Variants in ADGRE3 observed in about 807,000 individuals in gnomAD.
The protein encoded by ADGRE3 is EGF-like module receptor 3.
A neutral mutation model predicts 80.1 loss-of-function variants in ADGRE3; 88 were observed. The ratio of observed to expected loss-of-function variants is 1.10; its 90% confidence interval spans 0.93 to 1.31. The LOEUF (loss-of-function observed/expected upper bound fraction) is 1.31, where lower values mean the gene tolerates loss of function less well. ADGRE3 is among the 40% of genes most tolerant of loss of function. The probability of loss-of-function intolerance (pLI) is 0.00; values close to 1 mark genes in which losing one functional copy is unlikely to be tolerated. For missense variants in ADGRE3, 715 were observed against 776.5 expected, an observed-to-expected ratio of 0.92 and a Z score of 0.94; for synonymous variants, 281 against 294.8, an observed-to-expected ratio of 0.95 and a Z score of 0.48.
In ADGRE3 at chr19:14,648,867, T is replaced by C. The variant is rs898399757; in HGVS notation, c.698-1502A>G. 7.9e-5 allele frequency among the ~76,000 whole-genome samples: 12 copies of C among 152,190 alleles called. No homozygotes were observed. In the East Asian group the frequency reaches 1.4e-3, roughly 17 times the overall value. On this transcript the variant is annotated intron_variant, in intron 7 of 15. Transcript: ENST00000253673. ...CCTGCAGATTTTGGACATGTCGGCC[T>C]TCCATAGTCACGTGAGCCAATTCTT... is the stretch of plus-strand genomic sequence containing the variant.
downstream of ADGRE3, among the ~76,000 whole-genome samples, chr19:14,617,819 CT>C (rs1425908506): frequency 2.0e-5 from 3 of 151,866 alleles, no homozygotes; most frequent in Non-Finnish European, 4.4e-5. Context: ...GCTATTTCTC[CT>C]GTGTGGTCTT....
intron 2 of ADGRE3, among the ~76,000 whole-genome samples, chr19:14,665,089 A>T (rs1275763253): frequency 8.3e-6 from 1 of 120,470 alleles, no homozygotes; most frequent in Non-Finnish European, 1.6e-5. Context: ...TTTGAGACAG[A>T]GTCTCGCTCT....
At chr19:14,651,512 T>C (rs1298857302) in intron 6 of ADGRE3, among the ~76,000 whole-genome samples, 2 of 152,194 alleles carry the variant, frequency 1.3e-5, no homozygotes, top group Non-Finnish European at 2.9e-5. Flanking sequence ...ACTCTATAGA[T>C]GAGGAAACTG....
At chr19:14,654,513 C>T (rs572731908) in intron 6 of ADGRE3, among the ~76,000 whole-genome samples, 5 of 152,208 alleles carry the variant, frequency 3.3e-5, no homozygotes, top group Non-Finnish European at 7.4e-5. Context: ...AACCCTCCCG[C>T]CTCAGCCTCC....
chr19:14,669,915 A>G (rs1206379822), intron 1 of ADGRE3, among the ~76,000 whole-genome samples: 1 of 152,172 alleles, frequency 6.6e-6, no homozygotes, highest in Non-Finnish European at 1.5e-5. Flanking sequence ...AAGCCACTAA[A>G]AAAGGGGAGG....
chr19:14,630,956 T>A (rs1335913762), intron 13 of ADGRE3, among the ~76,000 whole-genome samples: 1 of 151,800 alleles, frequency 6.6e-6, no homozygotes, highest in Non-Finnish European at 1.5e-5. Context: ...AGTGGTGTGA[T>A]CTCAGCTCAT....
At chr19:14,611,464 G>T in the ADGRE3 span, among the ~76,000 whole-genome samples, 2 of 138,878 alleles carry the variant, frequency 1.4e-5, no homozygotes, top group African/African-American at 5.5e-5. Flanking sequence ...TGCACCCTCT[G>T]CCTCCTGGGC....
chr19:14,649,290 C>T (rs1053225570), intron 7 of ADGRE3, among the ~76,000 whole-genome samples: 2 of 149,546 alleles, frequency 1.3e-5, no homozygotes, highest in African/African-American at 4.9e-5. Context: ...CTCCATCTCG[C>T]TTTTGATCTG....
intron 10 of ADGRE3, among the ~76,000 whole-genome samples, chr19:14,639,724 T>C (rs1971195104): frequency 6.6e-6 from 1 of 152,136 alleles, no homozygotes; most frequent in African/African-American, 2.4e-5. Context: ...CCCAAGGGAT[T>C]ATTTTAAACT....
At chr19:14,620,041 T>C (rs1970493789) in intron 15 of ADGRE3, among the ~76,000 whole-genome samples, 1 of 152,150 alleles carries the variant, frequency 6.6e-6, no homozygotes, top group Non-Finnish European at 1.5e-5. Context: ...CTAGATGCAA[T>C]TTACAAGTCA....
intron 5 of ADGRE3, among the ~76,000 whole-genome samples, chr19:14,655,635 T>A (rs1011843053): frequency 1.3e-5 from 2 of 152,050 alleles, no homozygotes; most frequent in Non-Finnish European, 2.9e-5. Context: ...TTTTTAATTT[T>A]TTTTTTTGTA....
the ADGRE3 span, among the ~76,000 whole-genome samples, chr19:14,608,902 C>T: frequency 7.3e-5 from 11 of 151,344 alleles, no homozygotes; most frequent in African/African-American, 2.4e-4. Context: ...TGGATTCAAG[C>T]GATTCTCCTG....
At chr19:14,607,278 C>T in the ADGRE3 span, among the ~76,000 whole-genome samples, 1 of 151,548 alleles carries the variant, frequency 6.6e-6, no homozygotes, top group Admixed American at 6.6e-5. Context: ...AATCTCAGCT[C>T]ACTGCAAGCT....
rs749898595 is a variant in ADGRE3 at position 14,655,175 on chromosome 19, CAT to C, written c.394-12_394-11del. ...CCACAATCTTTTGCAGCTTTGAAGA[CAT>C]AAAGAATTTTCATTTTTTAAAAATG... On this transcript the variant is annotated splice_polypyrimidine_tract_variant and intron_variant, in intron 5 of 15. Coordinates refer to ENST00000253673, the MANE Select transcript of ADGRE3 (RefSeq NM_032571.5). The C allele has an allele frequency of 3.1e-6, 5 of 1,594,082 alleles. No homozygotes were observed. In the Admixed American group the frequency reaches 5.5e-5, roughly 18 times the overall value.
intron 3 of ADGRE3, 32 bp from the exon 4 acceptor site, chr19:14,662,150 T>C (rs1185967772): frequency 1.2e-6 from 2 of 1,610,556 alleles, no homozygotes; most frequent in East Asian, 2.2e-5. Flanking sequence ...GGGTCATTCA[T>C]TCAGCAAAGA....
Position 14,620,566 on chromosome 19 carries a change from ATATTTTTTTTTT to A in ADGRE3, c.1921-1107_1921-1096del, listed in dbSNP as rs1970569758. Reference sequence around the variant, plus strand: ...ATATATATTATATATATATATATATATATTTTTTTTTTTTTTTTTTTTTTTTTTTTTGAGACA... The same window carrying A: ...ATATATATTATATATATATATATATATTTTTTTTTTTTTTTTTTTGAGACA... On this transcript the variant is annotated intron_variant, in intron 15 of 15. Transcript: ENST00000253673. Among the ~76,000 whole-genome samples the A allele has an allele frequency of 3.7e-4, 6 of 16,054 alleles. 1 individual carries two copies. In the East Asian group the frequency reaches 7.8e-3, roughly 21 times the overall value. 10.5% of individuals were successfully genotyped at this position (16,054 alleles called of 152,430 possible).
At chr19:14,607,427 T>G in the ADGRE3 span, among the ~76,000 whole-genome samples, 10 of 151,658 alleles carry the variant, frequency 6.6e-5, no homozygotes, top group Middle Eastern at 3.4e-3. Context: ...ATGGTCTTGA[T>G]CTCCTGACCT....
chr19:14,662,100 G>A lies in ADGRE3; in HGVS notation c.218C>T (p.Pro73Leu), dbSNP rs1163627551. 4 of 1,613,536 alleles carry A rather than the reference G, an allele frequency of 2.5e-6. No homozygotes were observed. The highest frequency in any genetic ancestry group is 3.4e-6 in the Non-Finnish European group (4 of 1,179,848). ...AAATCCACAATATACACTATAGGGT[G>A]GTGTACATTCATTAATGTCTGGAAC... is the stretch of plus-strand genomic sequence containing the variant. ...ETCNDINECT[P>L]PYSVYCGFNA... The change falls in exon 4 of 16, where the codon CCA (proline) becomes CTA (leucine). Residue 73 changes from proline to leucine, a missense_variant. Pro to Leu is a moderately conservative substitution (Grantham distance 98). Transcript: ENST00000253673.
intron 15 of ADGRE3, among the ~76,000 whole-genome samples, chr19:14,620,536 T>TATA (rs1568471365): frequency 1.1e-4 from 4 of 37,262 alleles, no homozygotes; most frequent in South Asian, 8.6e-4. Flanking sequence ...ATATATATAT[T>TATA]TTATATATAT....
Sources: gnomAD v4.1 joint callset for allele counts (sites outside exome capture counted in the v4.1 genomes callset) on GRCh38, gnomAD v4.1.1 for gene constraint, MANE v1.5 for transcripts, NCBI Gene and HGNC (gene_info 2026-07-23, HGNC 2026-07-21) for gene names.